ELP6: variants seen among roughly 807,000 people sequenced by gnomAD.
ELP6 encodes elongator complex protein 6.
Under a neutral mutation model 28.1 loss-of-function variants are expected in ELP6, and 23 were observed. The ratio of observed to expected loss-of-function variants is 0.82; its 90% confidence interval spans 0.59 to 1.16. The LOEUF is 1.16. Ranked by LOEUF, ELP6 falls within the 50% of genes most tolerant of loss-of-function variation. ELP6 has a pLI of 0.00. For synonymous variants in ELP6, 132 were observed against 135.8 expected (o/e 0.97, Z 0.19); for missense variants, 313 against 334.6 (o/e 0.94, Z 0.50).
In ELP6 at chr3:47,513,573, A is replaced by G; in HGVS notation, c.18T>C (p.Asn6=). ...TGTCGGGGGTGGTGTTAAGCAGGTTATTAAGTTCCACGAACATTCCGAGCT... is the reference window on the plus strand; with the variant it reads ...TGTCGGGGGTGGTGTTAAGCAGGTTGTTAAGTTCCACGAACATTCCGAGCT... The part of the protein sequence containing the change: MFVEL[N]NLLNTTPDRA... The change falls in exon 1 of 7, where the codon AAT becomes AAC. Residue 6 remains asparagine (N), a synonymous_variant. Coordinates refer to ENST00000296149, the MANE Select transcript of ELP6 (RefSeq NM_001031703.3). 6.2e-7 allele frequency: 1 copy of G among 1,613,202 alleles called. No homozygotes were observed. Among genetic ancestry groups the G allele is most frequent in the Non-Finnish European group, 8.5e-7 (1 of 1,179,542 alleles).
intron 4 of ELP6, chr3:47,503,134 A>G: frequency 2.7e-6 from 3 of 1,114,240 alleles, no homozygotes; most frequent in Non-Finnish European, 2.2e-6. Flanking sequence ...CCTTGGGATG[A>G]GGTATAACCA....
chr3:47,503,931 A>C (rs918686069), intron 4 of ELP6, among the ~76,000 whole-genome samples: 1 of 152,172 alleles, frequency 6.6e-6, no homozygotes, highest in Non-Finnish European at 1.5e-5. Flanking sequence ...TAAAAAAGAC[A>C]AACAGTTTAA....
chr3:47,513,468 C>G lies in ELP6; in HGVS notation c.54+69G>C, dbSNP rs2029966959. 1.7e-5 allele frequency: 27 copies of G among 1,578,430 alleles called. No individual in the cohort carries two copies. The South Asian group carries it at 3.1e-4, about 18-fold the overall frequency. On this transcript the variant is annotated intron_variant, in intron 1 of 6. Transcript: ENST00000296149. ...CGCCATTCCCCGGGGTCGTGCGCAC[C>G]GCCTCCCGGATGCAGTATTCCGCTG...
At chr3:47,500,209 G>A (rs1708607186) in intron 5 of ELP6, 2 of 1,085,976 alleles carry the variant, frequency 1.8e-6, no homozygotes, top group Admixed American at 1.0e-4. Context: ...AATATACCGT[G>A]TATTAATAAA....
At chr3:47,505,304 C>T (rs998871613) in intron 3 of ELP6, among the ~76,000 whole-genome samples, 1 of 152,014 alleles carries the variant, frequency 6.6e-6, no homozygotes, top group East Asian at 1.9e-4. Context: ...AAAAAAACCC[C>T]CACAAAAAAT....
chr3:47,502,341 C>T lies in ELP6; in HGVS notation c.324-490G>A, dbSNP rs146399989. On this transcript the variant is annotated intron_variant, in intron 4 of 6. Coordinates refer to ENST00000296149, the MANE Select transcript of ELP6 (RefSeq NM_001031703.3). Reference sequence around the variant, plus strand: ...AGGAGAATTGCTTGAACCTGGGAGACGGAAGTTGCAGTGAGCCACGACTGA... The same window carrying T: ...AGGAGAATTGCTTGAACCTGGGAGATGGAAGTTGCAGTGAGCCACGACTGA... The T allele has an allele frequency of 1.5e-3, 1,277 of 876,694 alleles. 9 individuals are homozygous for T. The African/African-American group carries it at 0.019, about 13-fold the overall frequency. The allele number at this position is 876,694 out of a possible 1,614,324, so 54.3% of individuals were successfully genotyped here. A position where few individuals can be genotyped will look rare whatever the true frequency, so the allele number is the denominator to read the frequency against.
intron 5 of ELP6, 108 bp from the exon 6 acceptor site, chr3:47,498,540 T>A: frequency 6.5e-7 from 1 of 1,537,706 alleles, no homozygotes; most frequent in Non-Finnish European, 8.7e-7. Flanking sequence ...CTCTCACAGA[T>A]CACCCTCCCT....
rs368607408 is a variant in ELP6, at chr3:47,511,016, T to C, written c.133+132A>G. On this transcript the variant is annotated intron_variant, in intron 2 of 6. Coordinates refer to ENST00000296149, the MANE Select transcript of ELP6 (RefSeq NM_001031703.3). ...CTAGTAACCTGTTATCCTAATAAAA[T>C]AGCCCCCCTAGGTATCCCAACACCA... 20 of 696,874 alleles carry C rather than the reference T, an allele frequency of 2.9e-5. No homozygotes were observed. The East Asian group carries it at 3.7e-4, about 13-fold the overall frequency. The allele number at this position is 696,874 out of a possible 1,614,324, so 43.2% of individuals were successfully genotyped here.
At chr3:47,508,970 T>C (rs950390333) in intron 3 of ELP6, among the ~76,000 whole-genome samples, 1 of 152,106 alleles carries the variant, frequency 6.6e-6, no homozygotes, top group African/African-American at 2.4e-5. Context: ...TTCACCGTGT[T>C]AGCCAGGATG....
chr3:47,513,524 C>A lies in ELP6; in HGVS notation c.54+13G>T. On this transcript the variant is annotated intron_variant, in intron 1 of 6. Transcript: ENST00000296149. ...CCAGGTCCCGCCCCCTTCCGGCCAG[C>A]GGGACCTCTTACCTGCTCCGCCCTG... 3.1e-6 allele frequency: 5 copies of A among 1,610,896 alleles called. No homozygotes were observed. The highest frequency in any genetic ancestry group is 4.2e-6 in the Non-Finnish European group (5 of 1,178,634).
intron 4 of ELP6, chr3:47,503,248 G>A: frequency 1.6e-6 from 2 of 1,249,382 alleles, no homozygotes; most frequent in Non-Finnish European, 2.1e-6. Context: ...ACTGCATAAG[G>A]GTGTGTGTGT....
chr3:47,496,894 C>CT, intron 6 of ELP6: 3 of 985,424 alleles, frequency 3.0e-6, no homozygotes, highest in Non-Finnish European at 3.6e-6. Context: ...CCCAGGAAGG[C>CT]TAGATACCTG....
At chr3:47,500,206 C>T (rs565452005) in intron 5 of ELP6, 7 of 1,092,322 alleles carry the variant, frequency 6.4e-6, no homozygotes, top group South Asian at 2.3e-5. Context: ...CAAAATATAC[C>T]GTGTATTAAT....
rs774818568 is a variant in ELP6 at position 47,511,156 on chromosome 3, T to G, written c.125A>C (p.Tyr42Ser). The G allele has an allele frequency of 3.7e-6, 6 of 1,613,908 alleles. No individual in the cohort carries two copies. In the South Asian group the frequency reaches 6.6e-5, roughly 18 times the overall value. Residue 42 changes from tyrosine (Y) to serine (S), a missense_variant, in exon 2 of 7, where the codon TAT becomes TCT. By Grantham distance (144) the Tyr-to-Ser change is moderately radical. Coordinates refer to ENST00000296149, the MANE Select transcript of ELP6 (RefSeq NM_001031703.3). ...ATCAATGAGTCCCATACCTTTGAGA[T>G]AGAAGGAGAGAAAGTGGTGTACAAG... Reference protein sequence around the residue: ...SFLVHHFLSFYLKANCKVCFV... With the variant: ...SFLVHHFLSFSLKANCKVCFV...
At chr3:47,497,227 C>T (rs1215745510) in intron 6 of ELP6, 11 of 985,364 alleles carry the variant, frequency 1.1e-5, no homozygotes, top group Non-Finnish European at 1.2e-5. Flanking sequence ...ATCCAGCTTC[C>T]CTCCCAGGGC....
intron 6 of ELP6, chr3:47,496,404 T>C (rs1708479337): frequency 1.0e-6 from 1 of 984,216 alleles, no homozygotes; most frequent in Non-Finnish European, 1.2e-6. Flanking sequence ...ACAGTAGTCA[T>C]ATTGGCTCAA....
At chr3:47,511,257 G>C in intron 1 of ELP6, 31 bp from the exon 2 acceptor site, 1 of 1,610,084 alleles carries the variant, frequency 6.2e-7, no homozygotes, top group Non-Finnish European at 8.5e-7. Flanking sequence ...AAAAAGGTTA[G>C]ACTCCCTGGA....
At chr3:47,497,044 C>G in intron 6 of ELP6, 4 of 983,250 alleles carry the variant, frequency 4.1e-6, no homozygotes, top group Non-Finnish European at 4.8e-6. Context: ...TCTGTGTGAC[C>G]TACCAGACTT....
intron 5 of ELP6, among the ~76,000 whole-genome samples, chr3:47,498,960 T>A (rs1400571222): frequency 6.6e-6 from 1 of 152,232 alleles, no homozygotes; most frequent in Non-Finnish European, 1.5e-5. Flanking sequence ...TGAGCTCATG[T>A]GAGCTGAATC....
Sources: allele counts gnomAD v4.1 joint callset (sites outside exome capture counted in the v4.1 genomes callset), GRCh38; gene constraint gnomAD v4.1.1; transcripts MANE v1.5; gene names NCBI Gene and HGNC (gene_info 2026-07-23, HGNC 2026-07-21).